Variants in FBRSL1 observed in about 807,000 individuals in gnomAD.
FBRSL1 encodes fibrosin like 1.
FBRSL1 carries 51 observed loss-of-function variants against 89.6 expected under a neutral mutation model. The observed-to-expected ratio is 0.57, with a 90% CI of 0.45 to 0.72. FBRSL1 has a LOEUF of 0.72. Ranked by LOEUF, FBRSL1 falls within the 30% of genes least tolerant of loss-of-function variation. The probability of loss-of-function intolerance (pLI) is 0.00; values close to 1 mark genes in which losing one functional copy is unlikely to be tolerated. For missense variants in FBRSL1, 1,618 were observed against 1,451.8 expected, an observed-to-expected ratio of 1.11 and a Z score of -1.86; for synonymous variants, 779 against 681.1, an observed-to-expected ratio of 1.14 and a Z score of -2.24.
chr12:132,513,941 C>CATCT (rs969431319), intron 2 of FBRSL1, among the ~76,000 whole-genome samples: 77 of 152,230 alleles, frequency 5.1e-4, no homozygotes, highest in Admixed American at 2.0e-4. Flanking sequence ...GGTGTGTGGG[C>CATCT]ATCTGCCTGC....
intron 7 of FBRSL1, 46 bp from the exon 8 acceptor site, chr12:132,570,289 C>T: frequency 6.6e-7 from 1 of 1,513,038 alleles, no homozygotes; most frequent in Non-Finnish European, 8.8e-7. Context: ...AGGATGGGGG[C>T]TCTGCAGGGG....
chr12:132,513,963 C>A (rs1382613605), intron 2 of FBRSL1, among the ~76,000 whole-genome samples: 3 of 152,164 alleles, frequency 2.0e-5, no homozygotes, highest in Non-Finnish European at 4.4e-5. Flanking sequence ...GACCCTCGTC[C>A]GAGGGCCCCG....
At chr12:132,573,256 C>G (rs2040163388) in intron 11 of FBRSL1, among the ~76,000 whole-genome samples, 1 of 152,202 alleles carries the variant, frequency 6.6e-6, no homozygotes. Flanking sequence ...CCGGTAGCTG[C>G]CAAGCCCTTG....
intron 15 of FBRSL1, 188 bp from the exon 16 acceptor site, chr12:132,581,251 C>A: frequency 1.4e-6 from 1 of 730,134 alleles, no homozygotes; most frequent in South Asian, 7.1e-5. Context: ...CAAGTCAAAC[C>A]TCCTCCGAAT....
rs573692273 is a variant in FBRSL1 at position 132,492,214 on chromosome 12, G to T, written c.291+1353G>T. 3.3e-5 allele frequency among the ~76,000 whole-genome samples: 5 copies of T among 152,302 alleles called. No individual in the cohort carries two copies. The East Asian group carries it at 9.6e-4, about 29-fold the overall frequency. On this transcript the variant is annotated intron_variant, in intron 1 of 18. Transcript: ENST00000680143. ...CTGCACCTCCTGGGTCCCTAACCGC[G>T]GCTTCCTCACTGCTCCGAGCGGGTC... is the stretch of plus-strand genomic sequence containing the variant.
At chr12:132,559,001 G>A (rs2038896508) in intron 5 of FBRSL1, among the ~76,000 whole-genome samples, 2 of 152,260 alleles carry the variant, frequency 1.3e-5, no homozygotes, top group South Asian at 2.1e-4. Flanking sequence ...GTTCGCAGTT[G>A]GTGTCCTGGT....
In FBRSL1 at chr12:132,539,614, G is replaced by A. The variant is rs188585683; in HGVS notation, c.616-8389G>A. Among the ~76,000 whole-genome samples, 206 of 38,802 alleles carry A rather than the reference G, an allele frequency of 5.3e-3. 4 individuals are homozygous for A. The highest frequency in any genetic ancestry group is 7.4e-3 in the Non-Finnish European group (160 of 21,486). The allele number at this position is 38,802 out of a possible 152,430, so 25.5% of individuals were successfully genotyped here. ...CCACCCAGTCCTGCCCTCCAGCCCC[G>A]TGCCCGCCCAGTCCTGCCCTCCAGC... On this transcript the variant is annotated intron_variant, in intron 4 of 18. Coordinates refer to ENST00000680143, the MANE Select transcript of FBRSL1 (RefSeq NM_001367871.1).
rs1161487957 is a variant in FBRSL1 at position 132,581,732 on chromosome 12, C to T, written c.1913-9C>T. 1.9e-6 allele frequency: 3 copies of T among 1,550,036 alleles called. No individual in the cohort carries two copies. The highest frequency in any genetic ancestry group is 2.6e-6 in the Non-Finnish European group (3 of 1,146,706). ...CACAGACCTCTGGGTCCCGCGGTTG[C>T]CCCCACAGACCCTTTCAGCAGACCG... On this transcript the variant is annotated splice_polypyrimidine_tract_variant and intron_variant, in intron 16 of 18. Transcript: ENST00000680143.
chr12:132,495,005 G>A (rs1218130169), intron 1 of FBRSL1, among the ~76,000 whole-genome samples: 3 of 152,226 alleles, frequency 2.0e-5, no homozygotes, highest in Non-Finnish European at 4.4e-5. Flanking sequence ...GTCTGTGGGC[G>A]AGCTGTGACC....
At chr12:132,500,426 G>C (rs1289696154) in intron 1 of FBRSL1, among the ~76,000 whole-genome samples, 1 of 152,178 alleles carries the variant, frequency 6.6e-6, no homozygotes, top group East Asian at 1.9e-4. Flanking sequence ...AAGGGCTGGA[G>C]GCTGGGGCTG....
chr12:132,535,823 G>T (rs921333299), intron 4 of FBRSL1, among the ~76,000 whole-genome samples: 1 of 151,120 alleles, frequency 6.6e-6, no homozygotes, highest in Non-Finnish European at 1.5e-5. Context: ...GTCCATGATG[G>T]TGTGAGTGCA....
At chr12:132,558,491 C>T (rs1455495017) in intron 5 of FBRSL1, among the ~76,000 whole-genome samples, 1 of 152,196 alleles carries the variant, frequency 6.6e-6, no homozygotes, top group Non-Finnish European at 1.5e-5. Context: ...GACGCAAGCG[C>T]GTGCCGTTTT....
chr12:132,521,944 C>T (rs1263699590), intron 2 of FBRSL1, among the ~76,000 whole-genome samples: 1 of 152,042 alleles, frequency 6.6e-6, no homozygotes, highest in African/African-American at 2.4e-5. Flanking sequence ...GCAGGTGGGG[C>T]GATGAGTCCG....
At chr12:132,502,390 C>G (rs762232783) in intron 1 of FBRSL1, among the ~76,000 whole-genome samples, 1 of 152,206 alleles carries the variant, frequency 6.6e-6, no homozygotes, top group Non-Finnish European at 1.5e-5. Flanking sequence ...AGGAATCCTG[C>G]GGAAGGCCTT....
At chr12:132,569,807 G>T in intron 6 of FBRSL1, 119 bp from the exon 7 acceptor site, 3 of 705,196 alleles carry the variant, frequency 4.3e-6, no homozygotes, top group Non-Finnish European at 4.1e-6. Context: ...TCTGAAATGG[G>T]GGCATAGCCG....
Position 132,508,245 on chromosome 12 carries a change from G to A in FBRSL1, c.384G>A (p.Ala128=), listed in dbSNP as rs924244919. The A allele has an allele frequency of 7.7e-6, 12 of 1,550,882 alleles. No homozygotes were observed. Among genetic ancestry groups the A allele is most frequent in the South Asian group, 2.4e-5 (2 of 84,070 alleles). The stretch of plus-strand genomic sequence containing the variant: ...GGGAGTCGGAAACCTGCCCCCCTGC[G>A]GAGCCCAGTGAGAACAGGCGGCCCC... ...KPRESETCPP[A]EPSENRRPLE... is the part of the protein sequence containing the mutation. Residue 128 remains alanine (A), a synonymous_variant, in exon 2 of 19, where the codon GCG becomes GCA. Transcript: ENST00000680143.
chr12:132,499,705 T>TG lies in FBRSL1; in HGVS notation c.292-8442dup, dbSNP rs1009496843. On this transcript the variant is annotated intron_variant, in intron 1 of 18. Coordinates refer to ENST00000680143, the MANE Select transcript of FBRSL1 (RefSeq NM_001367871.1). The surrounding 1 kb of genome is among the most constrained non-coding windows in gnomAD (Gnocchi z 4.3). ...GCTGGAGACAGCTGGGGGCTGTGGCTGGGGGGCTGCAGGGCTGGGGGGTGG... is the reference window on the plus strand; with the variant it reads ...GCTGGAGACAGCTGGGGGCTGTGGCTGGGGGGGCTGCAGGGCTGGGGGGTGG... Among the ~76,000 whole-genome samples the TG allele has an allele frequency of 7.7e-5, 8 of 103,428 alleles. No individual in the cohort carries two copies. The highest frequency in any genetic ancestry group is 6.5e-4 in the South Asian group (2 of 3,094). The allele number at this position is 103,428 out of a possible 152,430, so 67.9% of individuals were successfully genotyped here. A position where few individuals can be genotyped will look rare whatever the true frequency, so the allele number is the denominator to read the frequency against.
rs1279302982 is a variant in FBRSL1, at chr12:132,581,818, G to A, written c.1990G>A (p.Ala664Thr). ...SHAFGGLGSH[A>T]LAPGGSIFAP... ...CGCCTTTGGGGGCCTGGGCAGCCAT[G>A]CACTGGGTGAGTGACCCAGCCTGTG... is the stretch of plus-strand genomic sequence containing the variant. The change falls in exon 17 of 19, where the codon GCA (alanine) becomes ACA (threonine). Residue 664 changes from alanine to threonine, a missense_variant. Physicochemically the swap from Ala to Thr is moderately conservative, Grantham distance 58 (BLOSUM62 0). Coordinates refer to ENST00000680143, the MANE Select transcript of FBRSL1 (RefSeq NM_001367871.1). The A allele has an allele frequency of 9.7e-6, 15 of 1,546,154 alleles. No homozygotes were observed. The highest frequency in any genetic ancestry group is 1.3e-5 in the Non-Finnish European group (15 of 1,144,892).
chr12:132,517,296 G>T (rs2034929367), intron 2 of FBRSL1, among the ~76,000 whole-genome samples: 1 of 152,244 alleles, frequency 6.6e-6, no homozygotes, highest in East Asian at 1.9e-4. Flanking sequence ...CCAGGGTGCT[G>T]TTAGGTGGGA....
Sources: gnomAD v4.1 joint callset for allele counts (sites outside exome capture counted in the v4.1 genomes callset) on GRCh38, gnomAD v4.1.1 for gene constraint, Gnocchi (gnomAD v3.1) non-coding constraint, MANE v1.5 for transcripts, NCBI Gene and HGNC (gene_info 2026-07-23, HGNC 2026-07-21) for gene names.